PREX2: variants seen among roughly 807,000 people sequenced by gnomAD.
The protein encoded by PREX2 is phosphatidylinositol-3,4,5-trisphosphate dependent Rac exchange factor 2, also known as phosphatidylinositol 3,4,5-trisphosphate-dependent Rac exchanger 2 protein.
PREX2 carries 107 observed loss-of-function variants against 203.2 expected under a neutral mutation model. The ratio of observed to expected loss-of-function variants is 0.53; its 90% CI spans 0.45 to 0.62. The LOEUF (loss-of-function observed/expected upper bound fraction) is 0.62. PREX2 is among the 20% of genes least tolerant of loss of function. The probability of loss-of-function intolerance (pLI) is 0.00; values close to 1 mark genes in which losing one functional copy is unlikely to be tolerated. For synonymous variants in PREX2, 672 were observed against 663.6 expected (o/e 1.01, Z -0.19); for missense variants, 1,777 against 1,955.9 (o/e 0.91, Z 1.72).
intron 1 of PREX2, among the ~76,000 whole-genome samples, chr8:67,978,610 T>A (rs1445957948): frequency 6.6e-6 from 1 of 152,210 alleles, no homozygotes; most frequent in Non-Finnish European, 1.5e-5. Flanking sequence ...ATTCTACTCT[T>A]GGTGGATATT....
At chr8:68,162,483 T>G (rs1811675781) in intron 35 of PREX2, among the ~76,000 whole-genome samples, 1 of 152,108 alleles carries the variant, frequency 6.6e-6, no homozygotes, top group South Asian at 2.1e-4. Context: ...AACACAATCT[T>G]AAGACTTTTA....
At chr8:68,070,313 C>A (rs1034211552) in intron 13 of PREX2, among the ~76,000 whole-genome samples, 1 of 151,478 alleles carries the variant, frequency 6.6e-6, no homozygotes, top group Non-Finnish European at 1.5e-5. Flanking sequence ...TTCTCATAAT[C>A]TTTTTTCCCA....
intron 22 of PREX2, 84 bp from the exon 23 acceptor site, chr8:68,099,595 TTTC>T: frequency 3.7e-6 from 5 of 1,338,984 alleles, no homozygotes; most frequent in Non-Finnish European, 5.1e-6. Context: ...TTTTGAAGTT[TTTC>T]TTCTTGTTTC....
chr8:68,118,396 A>G, intron 26 of PREX2, 154 bp from the exon 27 acceptor site: 1 of 569,292 alleles, frequency 1.8e-6, no homozygotes, highest in Non-Finnish European at 3.1e-6. Flanking sequence ...GTCTTTAAAA[A>G]GTAAGATAGA....
chr8:68,125,616 G>T (rs937133198), intron 30 of PREX2, among the ~76,000 whole-genome samples: 3 of 152,030 alleles, frequency 2.0e-5, no homozygotes, highest in African/African-American at 7.2e-5. Context: ...TAACCTCTGA[G>T]GTAAGTTATG....
chr8:68,177,484 G>C (rs1472383829), intron 35 of PREX2, among the ~76,000 whole-genome samples: 1 of 152,170 alleles, frequency 6.6e-6, no homozygotes, highest in African/African-American at 2.4e-5. Flanking sequence ...AGGATCACCT[G>C]AGCCCAGGAG....
chr8:68,097,746 A>G lies in PREX2; in HGVS notation c.2553+545A>G, dbSNP rs937543438. Among the ~76,000 whole-genome samples, 7 of 152,360 alleles carry G rather than the reference A, an allele frequency of 4.6e-5. No homozygotes were observed. The East Asian group carries it at 7.7e-4, about 17-fold the overall frequency. On this transcript the variant is annotated intron_variant, in intron 22 of 39. Transcript: ENST00000288368. The stretch of plus-strand genomic sequence containing the variant: ...GAAACCCTTGCTTAGGCAGGTGTTC[A>G]TTGATATGGCAAAGACTTCACAGCA...
intron 35 of PREX2, among the ~76,000 whole-genome samples, chr8:68,181,109 G>A (rs879690619): frequency 1.3e-5 from 2 of 152,094 alleles, no homozygotes; most frequent in African/African-American, 4.8e-5. Context: ...CTGTCGGTTA[G>A]TTGCCTAGGT....
chr8:67,990,416 C>G (rs975589794), intron 1 of PREX2, among the ~76,000 whole-genome samples: 1 of 150,806 alleles, frequency 6.6e-6, no homozygotes, highest in African/African-American at 2.4e-5. Context: ...GAACTTAGGT[C>G]AACTCCAATG....
In PREX2 at chr8:68,118,611, A is replaced by G. The variant is rs1810706351; in HGVS notation, c.3388A>G (p.Ser1130Gly). The change falls in exon 27 of 40, where the codon AGC becomes GGC. Residue 1130 changes from serine (S) to glycine (G), a missense_variant. Physicochemically the swap from Ser to Gly is moderately conservative, Grantham distance 56. Transcript: ENST00000288368. Reference protein sequence around the residue: ...SFTSICSSQCSSYFHSDEMDS... With the variant: ...SFTSICSSQCGSYFHSDEMDS... Reference sequence around the variant, plus strand: ...CACCAGCATCTGCAGCAGCCAGTGCAGCTCGTATTTCCACAGTGATGAAAT... The same window carrying G: ...CACCAGCATCTGCAGCAGCCAGTGCGGCTCGTATTTCCACAGTGATGAAAT... 2 of 1,613,974 alleles carry G rather than the reference A, an allele frequency of 1.2e-6. No homozygotes were observed. The highest frequency in any genetic ancestry group is 1.7e-5 in the Admixed American group (1 of 59,994).
intron 30 of PREX2, among the ~76,000 whole-genome samples, chr8:68,126,712 C>T (rs923498085): frequency 6.6e-6 from 1 of 151,974 alleles, no homozygotes; most frequent in African/African-American, 2.4e-5. Context: ...TGCACATAAA[C>T]TATAATTATT....
intron 35 of PREX2, 51 bp from the exon 36 acceptor site, chr8:68,191,671 T>C: frequency 3.1e-6 from 4 of 1,297,880 alleles, no homozygotes; most frequent in South Asian, 1.2e-5. Flanking sequence ...TTCATGCATA[T>C]TATGTCTTTT....
chr8:67,986,638 C>G (rs1288727794), intron 1 of PREX2, among the ~76,000 whole-genome samples: 1 of 152,172 alleles, frequency 6.6e-6, no homozygotes, highest in Non-Finnish European at 1.5e-5. Context: ...TAGTGAACTT[C>G]TAATGGCAGG....
At chr8:68,087,917 A>G (rs903959102) in intron 19 of PREX2, 108 bp downstream of exon 19, 4 of 806,858 alleles carry the variant, frequency 5.0e-6, no homozygotes, top group Admixed American at 1.8e-5. Context: ...ATGATTCTCA[A>G]TTATATTTTC....
intron 29 of PREX2, 100 bp downstream of exon 29, chr8:68,120,386 A>T (rs1810747346): frequency 1.3e-6 from 1 of 752,708 alleles, no homozygotes; most frequent in Non-Finnish European, 2.3e-6. Context: ...GAACAATTCC[A>T]GTTACTCATG....
chr8:68,131,618 G>A (rs1434255586), intron 31 of PREX2, among the ~76,000 whole-genome samples: 3 of 152,150 alleles, frequency 2.0e-5, no homozygotes, highest in Non-Finnish European at 4.4e-5. Flanking sequence ...GAGGTTGAAG[G>A]AAAAATCTTA....
chr8:68,186,847 A>G (rs145414722), intron 35 of PREX2, among the ~76,000 whole-genome samples: 1,691 of 152,262 alleles, frequency 0.011, 42 homozygotes, highest in African/African-American at 0.039. Context: ...GTTGCTAAAT[A>G]AAGTTTCACT....
At chr8:68,082,710 C>G (rs1809566809) in intron 17 of PREX2, 1 of 152,480 alleles carries the variant, frequency 6.6e-6, no homozygotes, top group Admixed American at 6.5e-5. Context: ...CTTCCTTGTC[C>G]TCTTTTCAGC....
intron 1 of PREX2, among the ~76,000 whole-genome samples, chr8:67,992,321 A>G (rs1370756091): frequency 6.6e-6 from 1 of 152,138 alleles, no homozygotes; most frequent in Non-Finnish European, 1.5e-5. Flanking sequence ...CCCCTAATCA[A>G]CTTAACATTC....
Sources: allele counts gnomAD v4.1 joint callset (sites outside exome capture counted in the v4.1 genomes callset), GRCh38; gene constraint gnomAD v4.1.1; transcripts MANE v1.5; gene names NCBI Gene and HGNC (gene_info 2026-07-23, HGNC 2026-07-21).